The following SPNS3 variants were observed in gnomAD, a reference collection of about 807,000 sequenced individuals.
SPNS3 encodes the protein SPNS lysolipid transporter 3, sphingosine-1-phosphate (putative), also known as protein spinster homolog 3.
In SPNS3, 51 loss-of-function variants were observed where a neutral mutation model predicts 54.4. The ratio of observed to expected loss-of-function variants is 0.94; its 90% confidence interval spans 0.75 to 1.18. SPNS3 has a LOEUF of 1.18. SPNS3 is among the 50% of genes most tolerant of loss of function. The probability of loss-of-function intolerance (pLI) is 0.00; values close to 1 mark genes in which losing one functional copy is unlikely to be tolerated. For missense variants in SPNS3, 669 were observed against 677.4 expected, an observed-to-expected ratio of 0.99 and a Z score of 0.14; for synonymous variants, 309 against 294.7, an observed-to-expected ratio of 1.05 and a Z score of -0.50.
chr17:4,463,015 C>T (rs531233384), intron 8 of SPNS3, among the ~76,000 whole-genome samples: 1 of 151,930 alleles, frequency 6.6e-6, no homozygotes, highest in Admixed American at 6.6e-5. Context: ...AGGGTATAGA[C>T]AGGCTCCAAA....
rs1008905889 is a variant in SPNS3 at position 4,453,116 on chromosome 17, C to T, written c.1024C>T (p.Pro342Ser). The T allele has an allele frequency of 8.1e-6, 13 of 1,613,968 alleles. No homozygotes were observed. The highest frequency in any genetic ancestry group is 1.3e-5 in the African/African-American group (1 of 74,892). ...CAAGAAAGTCATTCCAGGAGCTGAG[C>T]CCCTCATCTGCGCCTCCAGCCTGCT... ...RYKKVIPGAE[P>S]LICASSLLAT... The change falls in exon 8 of 12, where the codon CCC (proline) becomes TCC (serine). Residue 342 changes from proline (P) to serine (S), a missense_variant. Transcript: ENST00000355530.
At chr17:4,458,613 C>CTTTCTTTCT (rs1567563934) in intron 8 of SPNS3, among the ~76,000 whole-genome samples, 1 of 108,368 alleles carries the variant, frequency 9.2e-6, no homozygotes, top group African/African-American at 3.6e-5. Context: ...TTCTTTCTTT[C>CTTTCTTTCT]TTTCTTTCTT....
At position 4,453,209 on chromosome 17, in the gene SPNS3, A is replaced by T. The variant is rs1161563282; in HGVS notation, c.1113+4A>T. The stretch of plus-strand genomic sequence containing the variant: ...GACCACCCTGCTGGCCTCCTATGTA[A>T]GTGAGAGCCTCTATGGAGGTGGGGA... On this transcript the variant is annotated splice_donor_region_variant and intron_variant, in intron 8 of 11. Transcript: ENST00000355530. The T allele has an allele frequency of 1.2e-5, 19 of 1,610,412 alleles. No individual in the cohort carries two copies. The highest frequency in any genetic ancestry group is 1.5e-5 in the Non-Finnish European group (18 of 1,178,318).
At chr17:4,481,000 G>A (rs1217841967) in intron 9 of SPNS3, among the ~76,000 whole-genome samples, 2 of 152,160 alleles carry the variant, frequency 1.3e-5, no homozygotes, top group African/African-American at 4.8e-5. Flanking sequence ...TGGTGGGGGA[G>A]CCGTTCTGTG....
At chr17:4,469,147 C>T (rs368306408) in intron 8 of SPNS3, among the ~76,000 whole-genome samples, 1 of 151,828 alleles carries the variant, frequency 6.6e-6, no homozygotes, top group African/African-American at 2.4e-5. Flanking sequence ...TGCACTGGTG[C>T]GATCTCAGCT....
At chr17:4,449,442 G>C (rs1971098749) in intron 7 of SPNS3, 55 bp downstream of exon 7, 2 of 1,520,218 alleles carry the variant, frequency 1.3e-6, no homozygotes, top group African/African-American at 2.8e-5. Context: ...CTCTTGCTGA[G>C]GAAGTTCTGA....
chr17:4,487,044 C>T (rs1293270264), intron 11 of SPNS3, among the ~76,000 whole-genome samples: 3 of 151,802 alleles, frequency 2.0e-5, no homozygotes, highest in Non-Finnish European at 2.9e-5. Flanking sequence ...CGGTGGCACA[C>T]ACCTGTAGTC....
chr17:4,472,612 T>G (rs888402926), intron 8 of SPNS3, among the ~76,000 whole-genome samples: 10 of 152,116 alleles, frequency 6.6e-5, no homozygotes, highest in African/African-American at 2.4e-4. Context: ...TTTCTCTGTT[T>G]TTCCTCTCCC....
At chr17:4,456,816 G>T (rs764305256) in intron 8 of SPNS3, among the ~76,000 whole-genome samples, 1 of 152,154 alleles carries the variant, frequency 6.6e-6, no homozygotes, top group Non-Finnish European at 1.5e-5. Flanking sequence ...CCAGGTTCAA[G>T]TGATTCTCCT....
chr17:4,445,835 G>GC (rs1368307169), intron 3 of SPNS3, among the ~76,000 whole-genome samples: 28 of 152,014 alleles, frequency 1.8e-4, no homozygotes, highest in Non-Finnish European at 1.5e-4. Flanking sequence ...CAGGAAAAGG[G>GC]CTCCCCTGGG....
At chr17:4,453,264 C>A in intron 8 of SPNS3, 59 bp downstream of exon 8, 1 of 1,509,252 alleles carries the variant, frequency 6.6e-7, no homozygotes. Flanking sequence ...ACTCCTGTTT[C>A]CACAGGCTCA....
chr17:4,474,818 C>T (rs910319752), intron 8 of SPNS3, among the ~76,000 whole-genome samples: 3 of 151,636 alleles, frequency 2.0e-5, no homozygotes, highest in Non-Finnish European at 4.4e-5. Context: ...GAGCCTGTGC[C>T]AGGGTTTATA....
chr17:4,484,074 C>A (rs1283338977), intron 9 of SPNS3, among the ~76,000 whole-genome samples: 1 of 152,172 alleles, frequency 6.6e-6, no homozygotes, highest in East Asian at 1.9e-4. Flanking sequence ...GCTAGAAACA[C>A]CGGCTCCTCC....
intron 9 of SPNS3, chr17:4,481,916 G>T (rs1324318020): frequency 6.7e-6 from 1 of 149,748 alleles, no homozygotes; most frequent in Non-Finnish European, 1.5e-5. Context: ...TTGAGACGGA[G>T]TCTCGCACTG....
chr17:4,458,625 C>CTTTCTTTCTTTCTTTTA (rs1555530844), intron 8 of SPNS3, among the ~76,000 whole-genome samples: 1 of 126,668 alleles, frequency 7.9e-6, no homozygotes, highest in African/African-American at 3.1e-5. Context: ...TTCTTTCTTT[C>CTTTCTTTCTTTCTTTTA]TTTCTTTCTT....
chr17:4,450,163 C>T (rs1446847786), intron 7 of SPNS3, among the ~76,000 whole-genome samples: 2 of 152,014 alleles, frequency 1.3e-5, no homozygotes, highest in Non-Finnish European at 2.9e-5. Context: ...ATGCTATCTT[C>T]TTCCCTGGAG....
intron 8 of SPNS3, among the ~76,000 whole-genome samples, chr17:4,463,467 C>T (rs1971595060): frequency 6.7e-6 from 1 of 150,374 alleles, no homozygotes; most frequent in Non-Finnish European, 1.5e-5. Flanking sequence ...ATGACTCATG[C>T]CTGTAATCCC....
At chr17:4,482,375 G>C (rs545644832) in intron 9 of SPNS3, 1 of 152,186 alleles carries the variant, frequency 6.6e-6, no homozygotes, top group East Asian at 1.9e-4. Context: ...CAGTGGGTCC[G>C]TGCTGGGGTC....
chr17:4,484,076 G>A (rs763087218), intron 9 of SPNS3, among the ~76,000 whole-genome samples: 6 of 152,032 alleles, frequency 3.9e-5, no homozygotes, highest in Non-Finnish European at 7.4e-5. Context: ...TAGAAACACC[G>A]GCTCCTCCTT....
Sources: allele counts gnomAD v4.1 joint callset (sites outside exome capture counted in the v4.1 genomes callset), GRCh38; gene constraint gnomAD v4.1.1; transcripts MANE v1.5; gene names NCBI Gene and HGNC (gene_info 2026-07-23, HGNC 2026-07-21).